Variants in GRM7 observed in about 807,000 individuals in gnomAD.
GRM7 encodes metabotropic glutamate receptor 7.
Under a neutral mutation model 84.5 loss-of-function variants are expected in GRM7, and 35 were observed. That is an observed-to-expected ratio of 0.41 (90% CI 0.32 to 0.55). The LOEUF (loss-of-function observed/expected upper bound fraction) is 0.55, where lower values mean the gene tolerates loss of function less well. GRM7 is among the 20% of genes least tolerant of loss of function. The pLI, the probability that GRM7 is intolerant of heterozygous loss-of-function variation, is 0.19. For missense variants in GRM7, 1,003 were observed against 1,194.6 expected, an observed-to-expected ratio of 0.84 and a Z score of 2.36; for synonymous variants, 487 against 455.1, an observed-to-expected ratio of 1.07 and a Z score of -0.89.
chr3:7,020,602 A>C (rs1357872524), intron 1 of GRM7, among the ~76,000 whole-genome samples: 2 of 152,208 alleles, frequency 1.3e-5, no homozygotes, highest in African/African-American at 4.8e-5. Flanking sequence ...CAATTAGTAT[A>C]CTTAATAAAG....
At position 6,930,508 on chromosome 3, in the gene GRM7, G is replaced by A. The variant is rs548479122; in HGVS notation, c.519+68601G>A. ...AGAACTAAGCCTTTATAATTTTTTG[G>A]TGTCTTAGTGTTTGATTTTTTTAAT... On this transcript the variant is annotated intron_variant, in intron 1 of 9. Transcript: ENST00000357716. 1.7e-4 allele frequency among the ~76,000 whole-genome samples: 26 copies of A among 152,156 alleles called. No homozygotes were observed. The South Asian group carries it at 4.6e-3, about 27-fold the overall frequency.
chr3:7,010,100 A>G (rs1239089504), intron 1 of GRM7, among the ~76,000 whole-genome samples: 1 of 152,190 alleles, frequency 6.6e-6, no homozygotes, highest in Non-Finnish European at 1.5e-5. Context: ...GGTGTGGGCC[A>G]GTAGATAGAA....
chr3:7,654,859 G>A lies in GRM7; in HGVS notation c.2452-25190G>A, dbSNP rs187360457. ...ATTCTGTATTAGGAAATAATTGCTT[G>A]GGGTGGCCCACACATATATTTTACT... is the stretch of plus-strand genomic sequence containing the variant. On this transcript the variant is annotated intron_variant, in intron 8 of 9. Transcript: ENST00000357716. Among the ~76,000 whole-genome samples, 318 of 152,244 alleles carry A rather than the reference G, an allele frequency of 2.1e-3. 2 individuals are homozygous for A. The highest frequency in any genetic ancestry group is 7.0e-3 in the African/African-American group (291 of 41,516).
intron 2 of GRM7, among the ~76,000 whole-genome samples, chr3:7,187,797 C>G (rs1338473236): frequency 1.3e-5 from 2 of 152,288 alleles, no homozygotes; most frequent in East Asian, 1.9e-4. Context: ...CAATGGTAAA[C>G]TGACATGGCA....
chr3:6,870,807 G>A (rs1259827698), intron 1 of GRM7, among the ~76,000 whole-genome samples: 1 of 152,092 alleles, frequency 6.6e-6, no homozygotes, highest in Admixed American at 6.6e-5. Flanking sequence ...TTTTGGGCCT[G>A]GGCAACTGGA....
intron 1 of GRM7, among the ~76,000 whole-genome samples, chr3:6,982,612 GAA>G (rs895916335): frequency 7.2e-6 from 1 of 139,238 alleles, no homozygotes; most frequent in Non-Finnish European, 1.6e-5. Context: ...CAACTCAAAA[GAA>G]AAAAAAAAAA....
intron 7 of GRM7, among the ~76,000 whole-genome samples, chr3:7,528,204 C>T (rs1272215149): frequency 6.6e-6 from 1 of 151,928 alleles, no homozygotes; most frequent in African/African-American, 2.4e-5. Context: ...TTATAGAACT[C>T]ATTATTGGTC....
rs144884729 is a variant in GRM7, at chr3:7,394,320, G to A, written c.1034-20703G>A. Among the ~76,000 whole-genome samples the A allele has an allele frequency of 3.3e-3, 501 of 152,280 alleles. 3 individuals carry two copies. The highest frequency in any genetic ancestry group is 0.022 in the South Asian group (107 of 4,828). On this transcript the variant is annotated intron_variant, in intron 4 of 9. Coordinates refer to ENST00000357716, the MANE Select transcript of GRM7 (RefSeq NM_000844.4). ...AGCATTTCTTCTGCTCGTTCACAAA[G>A]ATACTGTAAAAGATTGCAGAGAAGT... is the stretch of plus-strand genomic sequence containing the variant.
intron 8 of GRM7, among the ~76,000 whole-genome samples, chr3:7,653,329 GA>G (rs1213281691): frequency 6.6e-6 from 1 of 151,878 alleles, no homozygotes; most frequent in African/African-American, 2.4e-5. Flanking sequence ...CTAGTCTTCA[GA>G]AAATGTATAA....
intron 1 of GRM7, among the ~76,000 whole-genome samples, chr3:6,951,541 T>G (rs1692764234): frequency 6.6e-6 from 1 of 152,208 alleles, no homozygotes; most frequent in Non-Finnish European, 1.5e-5. Flanking sequence ...CTTCTTTGAT[T>G]CCTAGGTTAT....
At chr3:6,902,701 C>A (rs1696431679) in intron 1 of GRM7, among the ~76,000 whole-genome samples, 1 of 152,104 alleles carries the variant, frequency 6.6e-6, no homozygotes, top group Non-Finnish European at 1.5e-5. Context: ...GATCTGCAGA[C>A]TATTAAGATA....
In GRM7 at chr3:7,593,512, G is replaced by A. The variant is rs985912190; in HGVS notation, c.2451+14155G>A. Among the ~76,000 whole-genome samples, 41 of 152,306 alleles carry A rather than the reference G, an allele frequency of 2.7e-4. 1 individual carries two copies. Among genetic ancestry groups the A allele is most frequent in the Middle Eastern group, 3.4e-3 (1 of 294 alleles). On this transcript the variant is annotated intron_variant, in intron 8 of 9. Transcript: ENST00000357716. ...AGACATAGGAAAGGTAGAGGAAGAT[G>A]GGAGATAGATCTTACCTGGACTCCT... is the stretch of plus-strand genomic sequence containing the variant.
chr3:7,219,870 G>A (rs1027482841), intron 2 of GRM7, among the ~76,000 whole-genome samples: 2 of 152,176 alleles, frequency 1.3e-5, no homozygotes, highest in Admixed American at 6.5e-5. Context: ...TGATTCTGGA[G>A]TATCTTGTGG....
chr3:6,938,885 C>G (rs1697786841), intron 1 of GRM7, among the ~76,000 whole-genome samples: 1 of 152,144 alleles, frequency 6.6e-6, no homozygotes, highest in Admixed American at 6.5e-5. Context: ...CTTGGGAAAT[C>G]CATTGATATT....
At chr3:7,711,769 G>C (rs1701590137) in intron 9 of GRM7, among the ~76,000 whole-genome samples, 1 of 152,150 alleles carries the variant, frequency 6.6e-6, no homozygotes, top group African/African-American at 2.4e-5. Context: ...TCAAAGATCA[G>C]CTCCTTCCAA....
At chr3:7,191,103 GT>G (rs367895179) in intron 2 of GRM7, among the ~76,000 whole-genome samples, 10 of 152,102 alleles carry the variant, frequency 6.6e-5, no homozygotes, top group African/African-American at 2.4e-4. Flanking sequence ...TTGCTTTTGA[GT>G]CCACAGGATT....
At chr3:7,028,437 T>C (rs1696058001) in intron 1 of GRM7, among the ~76,000 whole-genome samples, 1 of 152,228 alleles carries the variant, frequency 6.6e-6, no homozygotes, top group African/African-American at 2.4e-5. Context: ...AGGGAATCTG[T>C]GTGTTAGTTT....
intron 7 of GRM7, among the ~76,000 whole-genome samples, chr3:7,501,037 A>G (rs1699866893): frequency 6.6e-6 from 1 of 152,234 alleles, no homozygotes; most frequent in South Asian, 2.1e-4. Context: ...TTTATTGCAC[A>G]GTATCAATGA....
chr3:7,323,327 T>A (rs1321853404), intron 4 of GRM7, among the ~76,000 whole-genome samples: 1 of 152,118 alleles, frequency 6.6e-6, no homozygotes, highest in African/African-American at 2.4e-5. Context: ...GAAAGGTTAG[T>A]CTTGACATGT....
Sources: gnomAD v4.1 joint callset for allele counts (sites outside exome capture counted in the v4.1 genomes callset) on GRCh38, gnomAD v4.1.1 for gene constraint, MANE v1.5 for transcripts, NCBI Gene and HGNC (gene_info 2026-07-23, HGNC 2026-07-21) for gene names.